The following ASIC2 variants were observed in gnomAD, a reference collection of about 807,000 sequenced individuals.
The protein encoded by ASIC2 is acid sensing ion channel subunit 2, also known as acid-sensing ion channel 2.
A neutral mutation model predicts 57.3 loss-of-function variants in ASIC2; 25 were observed. The ratio of observed to expected loss-of-function variants is 0.44; its 90% CI spans 0.32 to 0.61. The LOEUF (loss-of-function observed/expected upper bound fraction) is 0.61. Ranked by LOEUF, ASIC2 falls within the 20% of genes least tolerant of loss-of-function variation. ASIC2 has a pLI of 0.06. For synonymous variants in ASIC2, 319 were observed against 307.5 expected (o/e 1.04, Z -0.39); for missense variants, 641 against 738.1 (o/e 0.87, Z 1.52).
At chr17:33,800,426 A>G (rs2142145143) in intron 1 of ASIC2, among the ~76,000 whole-genome samples, 1 of 152,276 alleles carries the variant, frequency 6.6e-6, no homozygotes, top group African/African-American at 2.4e-5. Flanking sequence ...TTTGGTGTGT[A>G]CGAATTCCCA....
chr17:33,290,739 T>G (rs1009075438), intron 1 of ASIC2: 1 of 152,240 alleles, frequency 6.6e-6, no homozygotes, highest in Non-Finnish European at 1.5e-5. Context: ...TCAGTTCCGC[T>G]GGATGCTCAA....
chr17:33,394,525 G>A (rs1483821741), intron 1 of ASIC2, among the ~76,000 whole-genome samples: 1 of 152,174 alleles, frequency 6.6e-6, no homozygotes, highest in East Asian at 1.9e-4. Context: ...GAAATACAGT[G>A]GTCAAGGTTA....
At chr17:33,607,053 C>G (rs1900023402) in intron 1 of ASIC2, among the ~76,000 whole-genome samples, 1 of 152,086 alleles carries the variant, frequency 6.6e-6, no homozygotes, top group Admixed American at 6.5e-5. Context: ...CTGCTGAATC[C>G]CTAGTACCAA....
intron 1 of ASIC2, among the ~76,000 whole-genome samples, chr17:33,898,539 T>C (rs766133205): frequency 6.6e-6 from 1 of 152,156 alleles, no homozygotes; most frequent in African/African-American, 2.4e-5. Context: ...CCTGACCTCA[T>C]GTATACTCTT....
At chr17:33,595,226 A>G (rs1904945430) in intron 1 of ASIC2, among the ~76,000 whole-genome samples, 1 of 152,160 alleles carries the variant, frequency 6.6e-6, no homozygotes, top group Non-Finnish European at 1.5e-5. Context: ...ACTTTGTCTC[A>G]AAAAAATGAA....
In ASIC2 at chr17:33,148,131, C is replaced by T. The variant is rs147343438; in HGVS notation, c.709-36064G>A. 5.4e-3 allele frequency among the ~76,000 whole-genome samples: 826 copies of T among 152,330 alleles called. 10 individuals carry two copies. The highest frequency in any genetic ancestry group is 0.012 in the South Asian group (56 of 4,826). ...GCCTTGTCAGTATATAATAGGAGCA[C>T]AGTTAGCAAGGTGCTTCACACCTTC... On this transcript the variant is annotated intron_variant, in intron 1 of 9. Transcript: ENST00000225823.
intron 1 of ASIC2, among the ~76,000 whole-genome samples, chr17:34,112,237 T>C (rs981609413): frequency 1.3e-5 from 2 of 152,254 alleles, no homozygotes; most frequent in Admixed American, 1.3e-4. Context: ...CTCAGTCTTT[T>C]TCATTTGTAA....
At chr17:34,054,972 GAAGAGAGGTCCATCCA>G (rs1908711713) in intron 1 of ASIC2, among the ~76,000 whole-genome samples, 1 of 152,208 alleles carries the variant, frequency 6.6e-6, no homozygotes, top group African/African-American at 2.4e-5. Flanking sequence ...AAGAATGGAA[GAAGAGAGGTCCATCCA>G]AAGAAATGAC....
At chr17:33,211,674 C>A (rs1907280457) in intron 1 of ASIC2, among the ~76,000 whole-genome samples, 2 of 152,096 alleles carry the variant, frequency 1.3e-5, no homozygotes, top group African/African-American at 4.8e-5. Flanking sequence ...ATTCTCTCAC[C>A]ACAGATCAGC....
At chr17:34,008,557 C>G (rs1303470340) in intron 1 of ASIC2, among the ~76,000 whole-genome samples, 1 of 152,184 alleles carries the variant, frequency 6.6e-6, no homozygotes, top group Non-Finnish European at 1.5e-5. Context: ...CAAGCTGAAC[C>G]TGGGTTTGTC....
At chr17:33,459,880 C>A (rs989865008) in intron 1 of ASIC2, among the ~76,000 whole-genome samples, 1 of 152,118 alleles carries the variant, frequency 6.6e-6, no homozygotes, top group Non-Finnish European at 1.5e-5. Flanking sequence ...GAATGGAGCG[C>A]CTCTTCTTTA....
chr17:33,887,082 C>A (rs317375), intron 1 of ASIC2, among the ~76,000 whole-genome samples: 40,623 of 152,020 alleles, frequency 0.27, 5,631 homozygotes, highest in Middle Eastern at 0.37. Context: ...CAGGAGAAAA[C>A]GACATAAAAC....
chr17:33,883,007 G>A (rs1914741018), intron 1 of ASIC2, among the ~76,000 whole-genome samples: 2 of 151,974 alleles, frequency 1.3e-5, no homozygotes, highest in Non-Finnish European at 2.9e-5. Context: ...ACTATTGCAA[G>A]GACAAAAAAT....
At chr17:33,785,555 T>TA (rs1326836244) in intron 1 of ASIC2, among the ~76,000 whole-genome samples, 2 of 152,194 alleles carry the variant, frequency 1.3e-5, no homozygotes, top group African/African-American at 4.8e-5. Flanking sequence ...CCAATGCCCT[T>TA]ACTCCTAACC....
At chr17:34,085,885 T>A (rs1193935958) in intron 1 of ASIC2, among the ~76,000 whole-genome samples, 1 of 151,690 alleles carries the variant, frequency 6.6e-6, no homozygotes, top group Admixed American at 6.6e-5. Flanking sequence ...GGTGGTGACA[T>A]CCCCTTTATC....
intron 1 of ASIC2, among the ~76,000 whole-genome samples, chr17:33,270,542 G>A (rs777561853): frequency 1.3e-5 from 2 of 152,322 alleles, no homozygotes; most frequent in South Asian, 4.1e-4. Flanking sequence ...TTCTGGGCCT[G>A]AGAATGGGTT....
chr17:33,436,888 C>G (rs1460916928), intron 1 of ASIC2, among the ~76,000 whole-genome samples: 1 of 71,472 alleles, frequency 1.4e-5, no homozygotes, highest in African/African-American at 5.7e-5. Context: ...TTTTTTGAGA[C>G]GGAGTCTCGC....
At chr17:33,630,838 T>C (rs1793595394) in intron 1 of ASIC2, among the ~76,000 whole-genome samples, 1 of 152,188 alleles carries the variant, frequency 6.6e-6, no homozygotes, top group African/African-American at 2.4e-5. Context: ...TCATCATAAC[T>C]AGCATCATCA....
chr17:34,054,559 G>C (rs1908692385), intron 1 of ASIC2, among the ~76,000 whole-genome samples: 2 of 152,140 alleles, frequency 1.3e-5, no homozygotes, highest in Admixed American at 6.5e-5. Flanking sequence ...GTCTCCCATA[G>C]TTCCAATTCA....
Sources: gnomAD v4.1 joint callset for allele counts (sites outside exome capture counted in the v4.1 genomes callset) on GRCh38, gnomAD v4.1.1 for gene constraint, MANE v1.5 for transcripts, NCBI Gene and HGNC (gene_info 2026-07-23, HGNC 2026-07-21) for gene names.